RCN2: variants seen among roughly 807,000 people sequenced by gnomAD.
RCN2 encodes the protein reticulocalbin 2.
A neutral mutation model predicts 37.5 loss-of-function variants in RCN2; 23 were observed. That is an observed-to-expected ratio of 0.61 (90% CI 0.44 to 0.87). The LOEUF (loss-of-function observed/expected upper bound fraction) is 0.87. RCN2 is among the 40% of genes least tolerant of loss of function. The probability of loss-of-function intolerance (pLI) is 0.00; values close to 1 mark genes in which losing one functional copy is unlikely to be tolerated. For synonymous variants in RCN2, 140 were observed against 144.6 expected (o/e 0.97, Z 0.23); for missense variants, 381 against 390.4 (o/e 0.98, Z 0.20).
rs1228903819 is a variant in RCN2, at chr15:76,949,740, G to A, written c.*518G>A. 3 of 152,468 alleles carry A rather than the reference G, an allele frequency of 2.0e-5. No individual in the cohort carries two copies. The highest frequency in any genetic ancestry group is 7.2e-5 in the African/African-American group (3 of 41,392). The allele number at this position is 152,468 out of a possible 1,614,324, so 9.4% of individuals were successfully genotyped here. On this transcript the variant is annotated 3_prime_UTR_variant, in exon 7 of 7. Coordinates refer to ENST00000394885, the MANE Select transcript of RCN2 (RefSeq NM_002902.3). ...GAGAAGTTCTGCTTAATTTTAAAAT[G>A]GTTTCTATAAAGGGTTTTATTGTAT...
intron 4 of RCN2, among the ~76,000 whole-genome samples, chr15:76,946,871 C>G (rs1287073729): frequency 6.6e-6 from 1 of 152,054 alleles, no homozygotes; most frequent in African/African-American, 2.4e-5. Context: ...GAGGGAGGAA[C>G]AGATTTGGGG....
chr15:76,937,995 T>TA lies in RCN2; in HGVS notation c.447+2274dup, dbSNP rs138824239. Among the ~76,000 whole-genome samples the TA allele has an allele frequency of 5.8e-3, 881 of 152,284 alleles. 9 individuals carry two copies. The highest frequency in any genetic ancestry group is 0.02 in the African/African-American group (841 of 41,544). On this transcript the variant is annotated intron_variant, in intron 3 of 6. Coordinates refer to ENST00000394885, the MANE Select transcript of RCN2 (RefSeq NM_002902.3). ...ACATGATAGTTGTATTATACATACTTACAGAGTACATGTGATATTTTGATA... is the reference window on the plus strand; with the variant it reads ...ACATGATAGTTGTATTATACATACTTAACAGAGTACATGTGATATTTTGATA...
In RCN2 at chr15:76,947,417, A is replaced by G. The variant is rs1282505637; in HGVS notation, c.562-4A>G. 6.4e-7 allele frequency: 1 copy of G among 1,571,538 alleles called. No homozygotes were observed. The highest frequency in any genetic ancestry group is 8.7e-7 in the Non-Finnish European group (1 of 1,154,868). On this transcript the variant is annotated splice_polypyrimidine_tract_variant and splice_region_variant and intron_variant, in intron 4 of 6. Transcript: ENST00000394885. The stretch of plus-strand genomic sequence containing the variant: ...TTTTTTCTTTTTTAATGAACGTGGA[A>G]TAGGAATTTGTCATTCAAGAAGCTT...
At chr15:76,933,171 G>A (rs948581912) in intron 2 of RCN2, among the ~76,000 whole-genome samples, 3 of 152,202 alleles carry the variant, frequency 2.0e-5, no homozygotes, top group African/African-American at 7.2e-5. Flanking sequence ...TTGCTGTGCA[G>A]TTGTCTCTCC....
At chr15:76,932,670 A>G (rs1447040342) in intron 2 of RCN2, among the ~76,000 whole-genome samples, 4 of 150,706 alleles carry the variant, frequency 2.7e-5, no homozygotes. Flanking sequence ...GTTATATATA[A>G]ACATCATTGA....
intron 3 of RCN2, chr15:76,941,753 C>A: frequency 1.2e-6 from 1 of 832,534 alleles, no homozygotes; most frequent in Non-Finnish European, 1.8e-6. Context: ...AAAAGCTACC[C>A]CCTTCACTTT....
rs1296046754 is a variant in RCN2 at position 76,931,783 on chromosome 15, C to T, written c.-59C>T. On this transcript the variant is annotated 5_prime_UTR_variant, in exon 1 of 7. Transcript: ENST00000394885. ...GCCGCCCGCGGAGCATCGCAGCCGG[C>T]CCGGGCCCCCGCCAGCCTCCCTCCT... 1.2e-5 allele frequency: 14 copies of T among 1,179,812 alleles called. No individual in the cohort carries two copies. In the East Asian group the frequency reaches 1.5e-4, roughly 13 times the overall value. 73.1% of individuals were successfully genotyped at this position (1,179,812 alleles called of 1,614,324 possible).
In RCN2 at chr15:76,935,768, CTT is replaced by C. The variant is rs1176191927; in HGVS notation, c.447+48_447+49del. 2.8e-6 allele frequency: 4 copies of C among 1,438,588 alleles called. No individual in the cohort carries two copies. The East Asian group carries it at 7.0e-5, about 25-fold the overall frequency. The allele number at this position is 1,438,588 out of a possible 1,614,324, so 89.1% of individuals were successfully genotyped here. On this transcript the variant is annotated intron_variant, in intron 3 of 6. Coordinates refer to ENST00000394885, the MANE Select transcript of RCN2 (RefSeq NM_002902.3). Reference sequence around the variant, plus strand: ...TGTTTCTTTTGATCATGTCAGTTCACTTTACCTTCCTGCATGAATGAGCACAT... The same window carrying C: ...TGTTTCTTTTGATCATGTCAGTTCACTACCTTCCTGCATGAATGAGCACAT...
At chr15:76,941,504 G>A (rs2075276315) in intron 3 of RCN2, 3 of 434,844 alleles carry the variant, frequency 6.9e-6, no homozygotes, top group East Asian at 6.8e-5. Context: ...AAAAATAAAT[G>A]ATTATGGTAG....
rs1284356930 is a variant in RCN2 at position 76,953,555 on chromosome 15, C to CTATATATATATATATATA, written c.*4355_*4372dup. 1.5e-4 allele frequency: 4 copies of CTATATATATATATATATA among 26,706 alleles called. No homozygotes were observed. Among genetic ancestry groups the CTATATATATATATATATA allele is most frequent in the Non-Finnish European group, 1.8e-4 (3 of 16,804 alleles). 1.7% of individuals were successfully genotyped at this position (26,706 alleles called of 1,614,324 possible). ...GGGATTGCTGGATCATATAGTAATT[C>CTATATATATATATATATA]TATATATATATATATATATATATAT... is the stretch of plus-strand genomic sequence containing the variant. On this transcript the variant is annotated 3_prime_UTR_variant, in exon 7 of 7. Transcript: ENST00000394885.
chr15:76,934,066 G>A (rs150806758), intron 2 of RCN2, among the ~76,000 whole-genome samples: 72 of 152,278 alleles, frequency 4.7e-4, no homozygotes, highest in African/African-American at 1.6e-3. Flanking sequence ...GTATACTCAT[G>A]CTGTCCTCAC....
rs1246807330 is a variant in RCN2, at chr15:76,953,553, T to TTATATATATATATATATA, written c.*4332_*4333insATATATATATATATATAT. ...GTGGGATTGCTGGATCATATAGTAA[T>TTATATATATATATATATA]TCTATATATATATATATATATATAT... On this transcript the variant is annotated 3_prime_UTR_variant, in exon 7 of 7. Coordinates refer to ENST00000394885, the MANE Select transcript of RCN2 (RefSeq NM_002902.3). The TTATATATATATATATATA allele has an allele frequency of 1.3e-5, 1 of 77,528 alleles. No individual in the cohort carries two copies. The highest frequency in any genetic ancestry group is 2.4e-5 in the Non-Finnish European group (1 of 42,220). The allele number at this position is 77,528 out of a possible 1,614,324, so 4.8% of individuals were successfully genotyped here. A position where few individuals can be genotyped will look rare whatever the true frequency, so the allele number is the denominator to read the frequency against.
At chr15:76,945,231 A>C (rs139062030) in intron 4 of RCN2, among the ~76,000 whole-genome samples, 200 of 152,178 alleles carry the variant, frequency 1.3e-3, no homozygotes, top group East Asian at 0.013. Context: ...TTCTCTCATA[A>C]CTGTGTTACC....
intron 2 of RCN2, among the ~76,000 whole-genome samples, chr15:76,934,184 C>T (rs533978234): frequency 6.6e-6 from 1 of 151,646 alleles, no homozygotes; most frequent in Admixed American, 6.6e-5. Flanking sequence ...GCTCTTGTCA[C>T]CCATGTTGGC....
intron 4 of RCN2, 103 bp from the exon 5 acceptor site, chr15:76,947,318 A>G: frequency 1.4e-6 from 1 of 693,678 alleles, no homozygotes; most frequent in Non-Finnish European, 2.4e-6. Context: ...TCCAAAAATT[A>G]TCATTTATTT....
intron 1 of RCN2, 146 bp downstream of exon 1, chr15:76,932,131 TG>T (rs1169591602): frequency 1.2e-6 from 1 of 824,638 alleles, no homozygotes; most frequent in Non-Finnish European, 1.7e-6. Flanking sequence ...ACTCGCTCTC[TG>T]GGGGTCCTGG....
At chr15:76,940,882 A>G (rs750124425) in intron 3 of RCN2, among the ~76,000 whole-genome samples, 12 of 151,618 alleles carry the variant, frequency 7.9e-5, no homozygotes, top group Non-Finnish European at 1.5e-4. Flanking sequence ...CTTATATTTA[A>G]TAAGTTTTCA....
intron 3 of RCN2, among the ~76,000 whole-genome samples, chr15:76,939,231 AAAATAAAT>A (rs147122407): frequency 0.12 from 17,359 of 144,454 alleles, 1,120 homozygotes; most frequent in South Asian, 0.16. Context: ...CTCATTTCTA[AAAATAAAT>A]AAATAAATAA....
intron 3 of RCN2, among the ~76,000 whole-genome samples, chr15:76,936,177 T>TAA (rs550666333): frequency 6.9e-6 from 1 of 144,672 alleles, no homozygotes; most frequent in Non-Finnish European, 1.5e-5. Flanking sequence ...AAGTAAGTAT[T>TAA]AAAAAAAAAA....
Sources: gnomAD v4.1 joint callset for allele counts (sites outside exome capture counted in the v4.1 genomes callset) on GRCh38, gnomAD v4.1.1 for gene constraint, MANE v1.5 for transcripts, NCBI Gene and HGNC (gene_info 2026-07-23, HGNC 2026-07-21) for gene names.